The following ACKR3 variants were observed in gnomAD, a reference collection of about 807,000 sequenced individuals.
ACKR3 encodes C-X-C chemokine receptor type 7.
In ACKR3, 6 loss-of-function variants were observed where a neutral mutation model predicts 22.4. The observed-to-expected ratio is 0.27, with a 90% CI of 0.15 to 0.53. ACKR3 has a LOEUF of 0.53. ACKR3 is among the 20% of genes least tolerant of loss of function. ACKR3 has a pLI of 0.96. For synonymous variants in ACKR3, 209 were observed against 205.2 expected, an observed-to-expected ratio of 1.02 and a Z score of -0.16; for missense variants, 396 against 475.2, an observed-to-expected ratio of 0.83 and a Z score of 1.55.
At chr2:236,576,268 G>A (rs1218802233) in intron 1 of ACKR3, among the ~76,000 whole-genome samples, 2 of 152,204 alleles carry the variant, frequency 1.3e-5, no homozygotes, top group African/African-American at 4.8e-5. Flanking sequence ...AACAGACCCC[G>A]CACAGGCTGA....
chr2:236,562,828 C>T (rs1574968065), upstream of ACKR3, among the ~76,000 whole-genome samples: 1 of 152,270 alleles, frequency 6.6e-6, no homozygotes, highest in South Asian at 2.1e-4. Context: ...GGAGGAGCTT[C>T]ACGTGCAATG....
the ACKR3 span, among the ~76,000 whole-genome samples, chr2:236,556,661 A>G: frequency 2.0e-5 from 3 of 152,240 alleles, no homozygotes; most frequent in Non-Finnish European, 4.4e-5. Flanking sequence ...CAGGATATCT[A>G]GAATTGTAAG....
At position 236,581,526 on chromosome 2, in the gene ACKR3, A is replaced by T; in HGVS notation, c.1061A>T (p.Tyr354Phe). ...GCCTCCAGAGTCTCAGAGACGGAGT[A>T]CTCTGCCTTGGAGCAGAGCACCAAA... Reference protein sequence around the residue: ...IDASRVSETEYSALEQSTK With the variant: ...IDASRVSETEFSALEQSTK The change falls in exon 2 of 2, where the codon TAC becomes TTC. Residue 354 changes from tyrosine (Y) to phenylalanine (F), a missense_variant. Tyr to Phe is a conservative substitution (Grantham distance 22, BLOSUM62 3). Coordinates refer to ENST00000272928, the MANE Select transcript of ACKR3 (RefSeq NM_020311.3). The surrounding 1 kb of genome is among the most constrained non-coding windows in gnomAD (Gnocchi z 4.4). 6.2e-7 allele frequency: 1 copy of T among 1,614,012 alleles called. No individual in the cohort carries two copies. The highest frequency in any genetic ancestry group is 1.1e-5 in the South Asian group (1 of 91,072).
At chr2:236,562,363 G>A in the ACKR3 span, among the ~76,000 whole-genome samples, 2 of 151,976 alleles carry the variant, frequency 1.3e-5, no homozygotes, top group African/African-American at 4.8e-5. Context: ...TTTTTAAAAG[G>A]GTTTTATGTC....
the ACKR3 span, among the ~76,000 whole-genome samples, chr2:236,543,983 A>ATATATATATATATC: frequency 1.8e-5 from 1 of 56,242 alleles, no homozygotes; most frequent in Non-Finnish European, 2.9e-5. Flanking sequence ...ATATATATAT[A>ATATATATATATATC]TATATATATA....
chr2:236,558,069 A>G, the ACKR3 span, among the ~76,000 whole-genome samples: 1 of 152,208 alleles, frequency 6.6e-6, no homozygotes, highest in Non-Finnish European at 1.5e-5. Context: ...TTTCTCTAGA[A>G]CAGACACGCT....
chr2:236,552,495 C>A, the ACKR3 span, among the ~76,000 whole-genome samples: 1 of 152,134 alleles, frequency 6.6e-6, no homozygotes, highest in African/African-American at 2.4e-5. Flanking sequence ...TTCATTCTTG[C>A]GTAGTGGTGA....
chr2:236,565,422 C>T (rs541696822), upstream of ACKR3, among the ~76,000 whole-genome samples: 2 of 152,132 alleles, frequency 1.3e-5, no homozygotes, highest in Non-Finnish European at 2.9e-5. Flanking sequence ...GTGAAAGATG[C>T]CCTCCCTAGA....
the ACKR3 span, among the ~76,000 whole-genome samples, chr2:236,543,557 G>A: frequency 1.3e-5 from 2 of 152,154 alleles, no homozygotes; most frequent in African/African-American, 2.4e-5. Flanking sequence ...CCCACCCCCA[G>A]GGGAGTGGAT....
chr2:236,538,722 G>A, the ACKR3 span, among the ~76,000 whole-genome samples: 1 of 152,008 alleles, frequency 6.6e-6, no homozygotes, highest in Admixed American at 6.5e-5. Context: ...AATACAGACT[G>A]CCTAATTAAA....
chr2:236,557,256 A>G, the ACKR3 span, among the ~76,000 whole-genome samples: 12,226 of 138,456 alleles, frequency 0.088, 646 homozygotes, highest in African/African-American at 0.18. Context: ...ATGTGAACGT[A>G]TGTGTGTGTG....
At chr2:236,552,353 A>G in the ACKR3 span, among the ~76,000 whole-genome samples, 10 of 152,144 alleles carry the variant, frequency 6.6e-5, no homozygotes, top group Non-Finnish European at 1.2e-4. Flanking sequence ...ACTACTTTCT[A>G]TTATACATGG....
At chr2:236,540,615 TA>T in the ACKR3 span, among the ~76,000 whole-genome samples, 9 of 152,356 alleles carry the variant, frequency 5.9e-5, no homozygotes, top group South Asian at 1.2e-3. Context: ...TTATATAAGT[TA>T]TATAATTTAA....
intron 1 of ACKR3, among the ~76,000 whole-genome samples, chr2:236,579,303 G>A (rs908976607): frequency 6.6e-6 from 1 of 152,208 alleles, no homozygotes; most frequent in Non-Finnish European, 1.5e-5. Flanking sequence ...GGACAGGTGA[G>A]GGGGAAGGGC....
chr2:236,542,587 AG>A, the ACKR3 span, among the ~76,000 whole-genome samples: 1 of 152,206 alleles, frequency 6.6e-6, no homozygotes, highest in Admixed American at 6.5e-5. Flanking sequence ...AGGTCCGTCC[AG>A]GAGACGGCGT....
In ACKR3 at chr2:236,574,651, C is replaced by A. The variant is rs1691370774; in HGVS notation, c.-27+4727C>A. ...ATGCTGATTGCATACTCAGCCACCA[C>A]CCATGAAGGCTCTAAACCTGAGTAC... On this transcript the variant is annotated intron_variant, in intron 1 of 1. Transcript: ENST00000272928. This position sits in a 1 kb window ranked among gnomAD's most constrained non-coding sequence, Gnocchi z 5.6. 6.6e-6 allele frequency among the ~76,000 whole-genome samples: 1 copy of A among 152,156 alleles called. No individual in the cohort carries two copies. The highest frequency in any genetic ancestry group is 2.1e-4 in the South Asian group (1 of 4,824).
chr2:236,576,655 A>G (rs1042655181), intron 1 of ACKR3, among the ~76,000 whole-genome samples: 1 of 152,218 alleles, frequency 6.6e-6, no homozygotes, highest in African/African-American at 2.4e-5. Context: ...TGGTCAATGA[A>G]AGTGGGCCCT....
the ACKR3 span, among the ~76,000 whole-genome samples, chr2:236,552,561 G>C: frequency 6.6e-6 from 1 of 152,150 alleles, no homozygotes; most frequent in Admixed American, 6.5e-5. Flanking sequence ...AGGGGAGAGA[G>C]ATAATTTTAT....
upstream of ACKR3, among the ~76,000 whole-genome samples, chr2:236,563,536 A>C (rs1468505818): frequency 3.3e-5 from 5 of 152,218 alleles, no homozygotes; most frequent in African/African-American, 1.2e-4. Context: ...TTAAGCCTGC[A>C]TCAAAATAAT....
Sources: gnomAD v4.1 joint callset for allele counts (sites outside exome capture counted in the v4.1 genomes callset) on GRCh38, gnomAD v4.1.1 for gene constraint, Gnocchi (gnomAD v3.1) non-coding constraint, MANE v1.5 for transcripts, NCBI Gene and HGNC (gene_info 2026-07-23, HGNC 2026-07-21) for gene names.